The following RELB variants were observed in gnomAD, a reference collection of about 807,000 sequenced individuals.
RELB encodes the protein transcription factor RelB.
In RELB, 14 loss-of-function variants were observed where a neutral mutation model predicts 55.4. The observed-to-expected ratio is 0.25, with a 90% CI of 0.17 to 0.40. The LOEUF (loss-of-function observed/expected upper bound fraction) is 0.40. Ranked by LOEUF, RELB falls within the 10% of genes least tolerant of loss-of-function variation. RELB has a pLI of 1.00. For synonymous variants in RELB, 409 were observed against 371.3 expected, an observed-to-expected ratio of 1.10 and a Z score of -1.17; for missense variants, 669 against 830.7, an observed-to-expected ratio of 0.81 and a Z score of 2.39.
chr19:45,012,105 G>A lies in RELB; in HGVS notation c.333G>A (p.Leu111=). ...PATPPPWGCP[L]GRLVSPAPGP... ...CGCCGCCGCCTTGGGGCTGCCCCCT[G>A]GGCCGACTAGTGTCCCCAGCGCCGG... Residue 111 remains leucine (L), a synonymous_variant, in exon 4 of 12, where the codon CTG becomes CTA. Transcript: ENST00000221452. 6.4e-7 allele frequency: 1 copy of A among 1,556,466 alleles called. No homozygotes were observed. Among genetic ancestry groups the A allele is most frequent in the Non-Finnish European group, 8.6e-7 (1 of 1,158,586 alleles).
intron 3 of RELB, among the ~76,000 whole-genome samples, chr19:45,010,672 A>G (rs934164679): frequency 7.9e-5 from 12 of 152,032 alleles, no homozygotes; most frequent in Non-Finnish European, 1.0e-4. Flanking sequence ...GTTCTTTCTT[A>G]TTTATTTATT....
At chr19:45,006,281 T>C (rs1275003661) in intron 2 of RELB, among the ~76,000 whole-genome samples, 1 of 152,130 alleles carries the variant, frequency 6.6e-6, no homozygotes, top group Non-Finnish European at 1.5e-5. Context: ...CTAGGCTTAC[T>C]GCAACCTCCG....
At chr19:45,022,234 C>T in intron 5 of RELB, 24 bp downstream of exon 5, 1 of 1,567,152 alleles carries the variant, frequency 6.4e-7, no homozygotes, top group Non-Finnish European at 8.6e-7. Flanking sequence ...GACCTCCGAC[C>T]TCTCATCCTT....
Position 45,011,943 on chromosome 19 carries a change from C to T in RELB, c.171C>T (p.Ile57=). The T allele has an allele frequency of 6.6e-7, 1 of 1,518,436 alleles. No individual in the cohort carries two copies. The highest frequency in any genetic ancestry group is 8.8e-7 in the Non-Finnish European group (1 of 1,138,582). 94.1% of individuals were successfully genotyped at this position (1,518,436 alleles called of 1,614,324 possible). A position where few individuals can be genotyped will look rare whatever the true frequency, so the allele number is the denominator to read the frequency against. The part of the protein sequence containing the change: ...VSRSTDELEI[I]DEYIKENGFG... ...TTTTTTCTTCTCCCGCAGAGATCAT[C>T]GACGAGTACATCAAGGAGAACGGCT... Residue 57 remains isoleucine (I), a synonymous_variant, in exon 4 of 12, where the codon ATC becomes ATT. Coordinates refer to ENST00000221452, the MANE Select transcript of RELB (RefSeq NM_006509.4).
intron 4 of RELB, among the ~76,000 whole-genome samples, chr19:45,012,539 T>C (rs1341878194): frequency 1.3e-5 from 2 of 151,064 alleles, no homozygotes; most frequent in Non-Finnish European, 3.0e-5. Context: ...ATGTCAGGAG[T>C]TCGAGACCAG....
chr19:45,011,413 C>T (rs963237118), intron 3 of RELB, among the ~76,000 whole-genome samples: 8 of 152,088 alleles, frequency 5.3e-5, no homozygotes, highest in African/African-American at 9.7e-5. Flanking sequence ...CCGCCCGCCT[C>T]GGCCTCCCGA....
chr19:45,010,763 C>T (rs930324487), intron 3 of RELB, among the ~76,000 whole-genome samples: 8 of 152,136 alleles, frequency 5.3e-5, no homozygotes, highest in African/African-American at 1.9e-4. Context: ...CTGCAACCTC[C>T]ACCTCCCAGG....
In RELB at chr19:45,025,326, C is replaced by A; in HGVS notation, c.663-3C>A. On this transcript the variant is annotated splice_region_variant and splice_polypyrimidine_tract_variant and intron_variant, in intron 5 of 11. Coordinates refer to ENST00000221452, the MANE Select transcript of RELB (RefSeq NM_006509.4). ...TCCTCTCCCTCCCCCGTCACCCCCT[C>A]AGTTTTAACAACCTGGGCATCCAGT... 6.2e-7 allele frequency: 1 copy of A among 1,608,160 alleles called. No individual in the cohort carries two copies. The highest frequency in any genetic ancestry group is 8.5e-7 in the Non-Finnish European group (1 of 1,177,302).
intron 1 of RELB, 70 bp from the exon 2 acceptor site, chr19:45,002,878 CT>C (rs1971231182): frequency 7.5e-7 from 1 of 1,338,872 alleles, no homozygotes; most frequent in East Asian, 2.4e-5. Context: ...AGGGGTGGGG[CT>C]TCCTTGGGAT....
rs375120718 is a variant in RELB, at chr19:45,032,518, C to T, written c.992-16C>T. 12 of 1,601,222 alleles carry T rather than the reference C, an allele frequency of 7.5e-6. No homozygotes were observed. In the African/African-American group the frequency reaches 1.3e-4, roughly 18 times the overall value. On this transcript the variant is annotated splice_polypyrimidine_tract_variant and intron_variant, in intron 8 of 11. Coordinates refer to ENST00000221452, the MANE Select transcript of RELB (RefSeq NM_006509.4). ...CAGATGTCCTGGCTTAGCTGATGTC[C>T]CCCGTTTCCTGCCAGAGGACATATC...
chr19:45,029,418 A>T (rs572603248), intron 8 of RELB, among the ~76,000 whole-genome samples: 79 of 150,138 alleles, frequency 5.3e-4, no homozygotes, highest in African/African-American at 1.9e-3. Context: ...ACAGGCTTTT[A>T]AAAAAAAAAG....
intron 2 of RELB, among the ~76,000 whole-genome samples, chr19:45,004,786 G>A (rs1971262936): frequency 6.6e-6 from 1 of 151,910 alleles, no homozygotes; most frequent in Non-Finnish European, 1.5e-5. Flanking sequence ...AGAATCACTT[G>A]AACCTGGGAG....
chr19:45,028,810 C>A, intron 7 of RELB, 78 bp from the exon 8 acceptor site: 1 of 1,210,950 alleles, frequency 8.3e-7, no homozygotes, highest in Non-Finnish European at 1.2e-6. Context: ...ATGGCACCCA[C>A]TGGGTGCCCA....
At chr19:45,003,656 G>T in intron 2 of RELB, 1 of 511,944 alleles carries the variant, frequency 2.0e-6, no homozygotes, top group Non-Finnish European at 3.9e-6. Flanking sequence ...CTGCAAGTCA[G>T]TTCCCCAGTT....
intron 8 of RELB, among the ~76,000 whole-genome samples, chr19:45,030,406 C>T (rs930248929): frequency 1.3e-5 from 2 of 152,066 alleles, no homozygotes; most frequent in Non-Finnish European, 2.9e-5. Context: ...CCAAGGTGGG[C>T]GAATCACTTA....
intron 4 of RELB, among the ~76,000 whole-genome samples, chr19:45,020,134 T>A (rs1971465703): frequency 6.6e-6 from 1 of 152,134 alleles, no homozygotes; most frequent in African/African-American, 2.4e-5. Context: ...TTTTTACATA[T>A]AATGTATACA....
intron 4 of RELB, among the ~76,000 whole-genome samples, chr19:45,013,682 A>C (rs1430865510): frequency 6.6e-6 from 1 of 151,538 alleles, no homozygotes; most frequent in African/African-American, 2.4e-5. Context: ...AAAATACAAA[A>C]TTAGTGCGGC....
chr19:45,033,406 C>T (rs761673029), intron 9 of RELB, among the ~76,000 whole-genome samples: 12 of 152,026 alleles, frequency 7.9e-5, no homozygotes, highest in East Asian at 1.9e-4. Flanking sequence ...GTGTGTAGGC[C>T]GGGCGCAGTG....
chr19:45,032,465 G>A lies in RELB; in HGVS notation c.992-69G>A. Reference sequence around the variant, plus strand: ...GAATATTAGTCTTGATTTTAGGGGAGGCTGGGCAAGTTGGGAGCACAGTGG... The same window carrying A: ...GAATATTAGTCTTGATTTTAGGGGAAGCTGGGCAAGTTGGGAGCACAGTGG... On this transcript the variant is annotated intron_variant, in intron 8 of 11. Coordinates refer to ENST00000221452, the MANE Select transcript of RELB (RefSeq NM_006509.4). 3 of 1,313,900 alleles carry A rather than the reference G, an allele frequency of 2.3e-6. No individual in the cohort carries two copies. In the Middle Eastern group the frequency reaches 5.5e-4, roughly 242 times the overall value. The allele number at this position is 1,313,900 out of a possible 1,614,324, so 81.4% of individuals were successfully genotyped here.
Sources: gnomAD v4.1 joint callset for allele counts (sites outside exome capture counted in the v4.1 genomes callset) on GRCh38, gnomAD v4.1.1 for gene constraint, MANE v1.5 for transcripts, NCBI Gene and HGNC (gene_info 2026-07-23, HGNC 2026-07-21) for gene names.